The following TCF12 variants were observed in gnomAD, a reference collection of about 807,000 sequenced individuals.
The protein encoded by TCF12 is transcription factor 12.
Under a neutral mutation model 86.0 loss-of-function variants are expected in TCF12, and 45 were observed. That is an observed-to-expected ratio of 0.52 (90% CI 0.41 to 0.67). TCF12 has a LOEUF of 0.67. TCF12 is among the 30% of genes least tolerant of loss of function. The probability of loss-of-function intolerance (pLI) is 0.00; values close to 1 mark genes in which losing one functional copy is unlikely to be tolerated. For missense variants in TCF12, 881 were observed against 859.9 expected, an observed-to-expected ratio of 1.02 and a Z score of -0.31; for synonymous variants, 330 against 299.6, an observed-to-expected ratio of 1.10 and a Z score of -1.05.
intron 3 of TCF12, among the ~76,000 whole-genome samples, chr15:57,044,974 CAT>C (rs1458817277): frequency 8.5e-5 from 13 of 152,234 alleles, no homozygotes; most frequent in Admixed American, 4.6e-4. Flanking sequence ...CATCCAGAAT[CAT>C]AGTAGATTTT....
At chr15:57,262,269 A>T in intron 17 of TCF12, 61 bp downstream of exon 17, 1 of 1,163,108 alleles carries the variant, frequency 8.6e-7, no homozygotes, top group Non-Finnish European at 1.3e-6. Context: ...GAACACTGTC[A>T]CCTTTCTCAC....
chr15:56,989,579 T>C (rs2063345430), intron 3 of TCF12, among the ~76,000 whole-genome samples: 1 of 152,212 alleles, frequency 6.6e-6, no homozygotes, highest in Non-Finnish European at 1.5e-5. Flanking sequence ...TAAATCTTTC[T>C]TGACATTATT....
At chr15:56,992,373 G>A (rs1324385085) in intron 3 of TCF12, among the ~76,000 whole-genome samples, 3 of 152,102 alleles carry the variant, frequency 2.0e-5, no homozygotes, top group African/African-American at 7.2e-5. Context: ...TTTTGTTGTT[G>A]TTGTTAAAAC....
chr15:57,231,339 T>C, intron 9 of TCF12, 82 bp downstream of exon 9: 2 of 1,137,886 alleles, frequency 1.8e-6, no homozygotes, highest in South Asian at 2.6e-5. Flanking sequence ...GGAAAGAGAA[T>C]ACCTATATTC....
intron 19 of TCF12, among the ~76,000 whole-genome samples, chr15:57,277,834 G>A (rs1161240733): frequency 6.6e-6 from 1 of 151,836 alleles, no homozygotes; most frequent in Non-Finnish European, 1.5e-5. Context: ...AGCTACTTGG[G>A]AGGCTGAGGT....
intron 4 of TCF12, among the ~76,000 whole-genome samples, chr15:57,075,778 CTTTCTTTCTTTCTTTCTT>C (rs1481660657): frequency 3.9e-5 from 2 of 50,972 alleles, no homozygotes; most frequent in African/African-American, 1.5e-4. Context: ...TTCTTTCTTT[CTTTCTTTCTTTCTTTCTT>C]TCTTTCTTTC....
intron 3 of TCF12, among the ~76,000 whole-genome samples, chr15:57,059,733 TG>T (rs1420229663): frequency 1.0e-3 from 3 of 2,984 alleles, no homozygotes; most frequent in African/African-American, 1.6e-3. Context: ...TCATATGTGG[TG>T]GGGGGCTGGG....
intron 3 of TCF12, among the ~76,000 whole-genome samples, chr15:57,026,903 A>G (rs1368278181): frequency 3.3e-5 from 5 of 152,126 alleles, no homozygotes; most frequent in East Asian, 3.8e-4. Flanking sequence ...TCATTTCTAG[A>G]TTACATATAA....
intron 8 of TCF12, among the ~76,000 whole-genome samples, chr15:57,211,601 T>G (rs1414060229): frequency 6.6e-6 from 1 of 152,210 alleles, no homozygotes; most frequent in African/African-American, 2.4e-5. Context: ...TGGTTCAGCC[T>G]TTCATTTCCT....
intron 4 of TCF12, among the ~76,000 whole-genome samples, chr15:57,086,212 G>GATATAATA (rs1555501435): frequency 5.6e-5 from 8 of 141,622 alleles, no homozygotes; most frequent in African/African-American, 2.1e-4. Context: ...GGATGATGAT[G>GATATAATA]ATAATAATAA....
chr15:57,008,174 C>G (rs77156290), intron 3 of TCF12, among the ~76,000 whole-genome samples: 6,149 of 150,068 alleles, frequency 0.041, 361 homozygotes, highest in African/African-American at 0.13. Context: ...CACTTTGTTG[C>G]CCAGACTGGT....
At chr15:57,177,061 A>G (rs1413735198) in intron 6 of TCF12, among the ~76,000 whole-genome samples, 1 of 152,122 alleles carries the variant, frequency 6.6e-6, no homozygotes, top group East Asian at 1.9e-4. Context: ...AGGGGCCTAC[A>G]TGCACACTAG....
chr15:57,099,378 C>T (rs576591817), intron 5 of TCF12, among the ~76,000 whole-genome samples: 44 of 151,744 alleles, frequency 2.9e-4, no homozygotes, highest in African/African-American at 1.0e-3. Flanking sequence ...ATGGGTAATC[C>T]GTCCTAGAAT....
At chr15:57,119,960 C>T (rs2051112630) in intron 5 of TCF12, among the ~76,000 whole-genome samples, 1 of 152,178 alleles carries the variant, frequency 6.6e-6, no homozygotes, top group Non-Finnish European at 1.5e-5. Flanking sequence ...CATTTCTTGT[C>T]ATGAGTCTTA....
intron 6 of TCF12, among the ~76,000 whole-genome samples, chr15:57,188,079 A>G (rs1379135717): frequency 6.6e-6 from 1 of 152,218 alleles, no homozygotes; most frequent in African/African-American, 2.4e-5. Flanking sequence ...CAATAAAACT[A>G]TTAGAGCTAA....
At chr15:57,209,628 G>A (rs1331048002) in intron 8 of TCF12, among the ~76,000 whole-genome samples, 3 of 151,996 alleles carry the variant, frequency 2.0e-5, no homozygotes, top group East Asian at 3.9e-4. Context: ...TTAAATTATG[G>A]CAACAGCTTT....
At chr15:57,206,582 C>CTT (rs67531540) in intron 8 of TCF12, among the ~76,000 whole-genome samples, 6,537 of 83,688 alleles carry the variant, frequency 0.078, 718 homozygotes, top group Admixed American at 0.15. Context: ...CTTGTATTCT[C>CTT]TTTTTTTTTT....
chr15:57,012,631 A>C (rs1282202834), intron 3 of TCF12, among the ~76,000 whole-genome samples: 3 of 152,154 alleles, frequency 2.0e-5, no homozygotes, highest in African/African-American at 7.2e-5. Context: ...ACAGAGGGAA[A>C]AGTTGAGTTG....
Position 57,286,405 on chromosome 15 carries a change from AGT to A in TCF12, c.*265_*266del. 3.6e-6 allele frequency: 1 copy of A among 274,944 alleles called. No homozygotes were observed. The allele number at this position is 274,944 out of a possible 1,614,324, so 17.0% of individuals were successfully genotyped here. A position where few individuals can be genotyped will look rare whatever the true frequency, so the allele number is the denominator to read the frequency against. ...TTGCAACAAATCTTTTGTTGCAAGC[AGT>A]GTGTCGCTTCTGCACAATCAGAGAC... On this transcript the variant is annotated 3_prime_UTR_variant, in exon 21 of 21. Transcript: ENST00000333725.
Sources: allele counts gnomAD v4.1 joint callset (sites outside exome capture counted in the v4.1 genomes callset), GRCh38; gene constraint gnomAD v4.1.1; transcripts MANE v1.5; gene names NCBI Gene and HGNC (gene_info 2026-07-23, HGNC 2026-07-21).